Variants in CA11 observed in about 807,000 individuals in gnomAD.
The protein encoded by CA11 is carbonic anhydrase 11 (inactive).
A neutral mutation model predicts 39.3 loss-of-function variants in CA11; 20 were observed. That is an observed-to-expected ratio of 0.51 (90% confidence interval 0.36 to 0.74). The LOEUF is 0.74. Ranked by LOEUF, CA11 falls within the 30% of genes least tolerant of loss-of-function variation. The pLI is 0.00. For synonymous variants in CA11, 166 were observed against 172.5 expected (o/e 0.96, Z 0.29); for missense variants, 336 against 424.6 (o/e 0.79, Z 1.83).
At position 48,643,063 on chromosome 19, in the gene CA11, C is replaced by A. The variant is rs2031137057; in HGVS notation, c.285+1364G>T. On this transcript the variant is annotated intron_variant, in intron 3 of 8. Transcript: ENST00000084798. This position sits in a 1 kb window ranked among gnomAD's most constrained non-coding sequence, Gnocchi z 4.3. ...ACAACATAGTGAGACCCCACCTCTA[C>A]AAAAAACTTAAAAAGTTAGCCAAGC... 6.6e-6 allele frequency among the ~76,000 whole-genome samples: 1 copy of A among 152,140 alleles called. No individual in the cohort carries two copies. The highest frequency in any genetic ancestry group is 2.1e-4 in the South Asian group (1 of 4,836).
Position 48,643,107 on chromosome 19 carries a change from A to C in CA11, c.285+1320T>G, listed in dbSNP as rs2031137887. Among the ~76,000 whole-genome samples, 1 of 152,116 alleles carries C rather than the reference A, an allele frequency of 6.6e-6. No homozygotes were observed. Among genetic ancestry groups the C allele is most frequent in the Non-Finnish European group, 1.5e-5 (1 of 68,008 alleles). ...GCCAAGCATACTGGCATGTGCCTGCAGTCCTGGCTTCTTCCTTCCTTTCCT... is the reference window on the plus strand; with the variant it reads ...GCCAAGCATACTGGCATGTGCCTGCCGTCCTGGCTTCTTCCTTCCTTTCCT... On this transcript the variant is annotated intron_variant, in intron 3 of 8. Coordinates refer to ENST00000084798, the MANE Select transcript of CA11 (RefSeq NM_001217.5). This position sits in a 1 kb window ranked among gnomAD's most constrained non-coding sequence, Gnocchi z 4.3.
intron 3 of CA11, 114 bp from the exon 4 acceptor site, chr19:48,640,394 A>C: frequency 4.1e-6 from 3 of 730,276 alleles, no homozygotes; most frequent in Non-Finnish European, 6.2e-6. Flanking sequence ...TTTTTTTTGA[A>C]ACGGAGTCTC....
chr19:48,638,006 C>G lies in CA11; in HGVS notation c.*113G>C. 1 of 714,000 alleles carries G rather than the reference C, an allele frequency of 1.4e-6. No individual in the cohort carries two copies. Among genetic ancestry groups the G allele is most frequent in the Non-Finnish European group, 2.1e-6 (1 of 467,904 alleles). The allele number at this position is 714,000 out of a possible 1,614,324, so 44.2% of individuals were successfully genotyped here. On this transcript the variant is annotated 3_prime_UTR_variant, in exon 9 of 9. Transcript: ENST00000084798. ...TTTCCCCACCGCGCCTAGAATCAGA[C>G]CACTGAGAAAACAGGAAGTATTCTG... is the stretch of plus-strand genomic sequence containing the variant.
chr19:48,639,169 A>G lies in CA11; in HGVS notation c.796-116T>C, dbSNP rs965334425. Reference sequence around the variant, plus strand: ...GCGGGGTCTGTTCTCAGCCCCACCCACCCCCAAGGTGGTCTGACCCTCTTA... The same window carrying G: ...GCGGGGTCTGTTCTCAGCCCCACCCGCCCCCAAGGTGGTCTGACCCTCTTA... On this transcript the variant is annotated intron_variant, in intron 7 of 8. Transcript: ENST00000084798. 3.3e-6 allele frequency: 5 copies of G among 1,519,830 alleles called. 1 individual carries two copies. In the African/African-American group the frequency reaches 5.5e-5, roughly 17 times the overall value. 94.1% of individuals were successfully genotyped at this position (1,519,830 alleles called of 1,614,324 possible). A position where few individuals can be genotyped will look rare whatever the true frequency, so the allele number is the denominator to read the frequency against.
intron 4 of CA11, 105 bp downstream of exon 4, chr19:48,639,990 C>T: frequency 6.7e-7 from 1 of 1,502,820 alleles, no homozygotes; most frequent in Middle Eastern, 1.7e-4. Context: ...GGGTGGGAGG[C>T]CAGTTCTGTG....
At chr19:48,639,201 T>G in intron 7 of CA11, 104 bp downstream of exon 7, 2 of 1,531,016 alleles carry the variant, frequency 1.3e-6, no homozygotes, top group Non-Finnish European at 1.8e-6. Context: ...CTTACCTACT[T>G]GAGTTCAGTC....
chr19:48,645,721 CAGG>C lies in CA11; in HGVS notation c.-92_-90del. On this transcript the variant is annotated 5_prime_UTR_variant, in exon 1 of 9. Transcript: ENST00000084798. Reference sequence around the variant, plus strand: ...CCCTCCTTCTGGGACCCTGTCCCTCCAGGACTTCCAGCTTTCCTCTCCTCCCCA... The same window carrying C: ...CCCTCCTTCTGGGACCCTGTCCCTCCACTTCCAGCTTTCCTCTCCTCCCCA... The C allele has an allele frequency of 9.1e-7, 1 of 1,098,708 alleles. No individual in the cohort carries two copies. The highest frequency in any genetic ancestry group is 1.2e-6 in the Non-Finnish European group (1 of 803,342). 68.1% of individuals were successfully genotyped at this position (1,098,708 alleles called of 1,614,324 possible). A position where few individuals can be genotyped will look rare whatever the true frequency, so the allele number is the denominator to read the frequency against.
chr19:48,639,906 G>C, intron 4 of CA11, 23 bp from the exon 5 acceptor site: 1 of 1,603,176 alleles, frequency 6.2e-7, no homozygotes. Flanking sequence ...CAGAGCATGG[G>C]GTCCCCCAGC....
chr19:48,638,848 G>A, intron 8 of CA11, 40 bp downstream of exon 8: 1 of 1,515,818 alleles, frequency 6.6e-7, no homozygotes, highest in South Asian at 1.3e-5. Flanking sequence ...ATATAAGAGG[G>A]TTAGCCCAAG....
chr19:48,639,892 A>G lies in CA11; in HGVS notation c.472-9T>C. 6.2e-7 allele frequency: 1 copy of G among 1,612,244 alleles called. No homozygotes were observed. Reference sequence around the variant, plus strand: ...AAGTGAATGAGCTGCACCTGGGGGTAGCACAGAGCATGGGGTCCCCCAGCA... The same window carrying G: ...AAGTGAATGAGCTGCACCTGGGGGTGGCACAGAGCATGGGGTCCCCCAGCA... On this transcript the variant is annotated splice_polypyrimidine_tract_variant and intron_variant, in intron 4 of 8. Transcript: ENST00000084798.
chr19:48,643,799 T>C lies in CA11; in HGVS notation c.285+628A>G, dbSNP rs961795157. On this transcript the variant is annotated intron_variant, in intron 3 of 8. Transcript: ENST00000084798. The surrounding 1 kb of genome is among the most constrained non-coding windows in gnomAD (Gnocchi z 4.3). ...TGCATGTATATAATAAGGTTAATAATTGTACCCATTTTGGCTGGACGCAGT... is the reference window on the plus strand; with the variant it reads ...TGCATGTATATAATAAGGTTAATAACTGTACCCATTTTGGCTGGACGCAGT... Among the ~76,000 whole-genome samples the C allele has an allele frequency of 6.6e-6, 1 of 152,050 alleles. No individual in the cohort carries two copies. Among genetic ancestry groups the C allele is most frequent in the Non-Finnish European group, 1.5e-5 (1 of 68,026 alleles).
intron 3 of CA11, among the ~76,000 whole-genome samples, chr19:48,640,978 GT>G (rs201065266): frequency 1.1e-5 from 1 of 89,254 alleles, no homozygotes; most frequent in African/African-American, 2.8e-5. Context: ...CCGGCTTTTT[GT>G]TTTTGTTTTT....
chr19:48,643,479 G>A lies in CA11; in HGVS notation c.285+948C>T, dbSNP rs1161726255. Reference sequence around the variant, plus strand: ...CACCTCGGCCTCCCGAAGTGCTGGGGTTACAGGCATGAACCACCACACCCA... The same window carrying A: ...CACCTCGGCCTCCCGAAGTGCTGGGATTACAGGCATGAACCACCACACCCA... On this transcript the variant is annotated intron_variant, in intron 3 of 8. Coordinates refer to ENST00000084798, the MANE Select transcript of CA11 (RefSeq NM_001217.5). This position sits in a 1 kb window ranked among gnomAD's most constrained non-coding sequence, Gnocchi z 4.3. Among the ~76,000 whole-genome samples the A allele has an allele frequency of 2.0e-5, 3 of 151,986 alleles. No individual in the cohort carries two copies. Among genetic ancestry groups the A allele is most frequent in the Non-Finnish European group, 2.9e-5 (2 of 67,996 alleles).
At chr19:48,642,631 G>T (rs775039810) in intron 3 of CA11, among the ~76,000 whole-genome samples, 2 of 152,166 alleles carry the variant, frequency 1.3e-5, no homozygotes, top group African/African-American at 4.8e-5. Flanking sequence ...TTGAGCAGGA[G>T]TGATATGATC....
At chr19:48,644,701 C>T (rs1362042171) in intron 2 of CA11, 132 bp from the exon 3 acceptor site, 1 of 644,542 alleles carries the variant, frequency 1.6e-6, no homozygotes, top group Admixed American at 3.4e-5. Context: ...ACCTAGACTC[C>T]TGGGTCTGAG....
At position 48,639,050 on chromosome 19, in the gene CA11, G is replaced by A; in HGVS notation, c.799C>T (p.His267Tyr). ...RALNITSLQMHSLRLLSQNPP... is the reference protein window; with the variant it reads ...RALNITSLQMYSLRLLSQNPP... ...TTCTGGCTCAGGAGTCTCAGGGAGT[G>A]CATCTGCAGTGGAAGGAGGGTGGGA... The change falls in exon 8 of 9, where the codon CAC becomes TAC. Residue 267 changes from histidine to tyrosine, a missense_variant. Physicochemically the swap from His to Tyr is moderately conservative, Grantham distance 83. Coordinates refer to ENST00000084798, the MANE Select transcript of CA11 (RefSeq NM_001217.5). 6.2e-7 allele frequency: 1 copy of A among 1,613,924 alleles called. No individual in the cohort carries two copies. Among genetic ancestry groups the A allele is most frequent in the Non-Finnish European group, 8.5e-7 (1 of 1,179,930 alleles).
Position 48,643,370 on chromosome 19 carries a change from C to A in CA11, c.285+1057G>T, listed in dbSNP as rs1032555311. 6.6e-6 allele frequency among the ~76,000 whole-genome samples: 1 copy of A among 152,102 alleles called. No homozygotes were observed. Among genetic ancestry groups the A allele is most frequent in the Non-Finnish European group, 1.5e-5 (1 of 68,014 alleles). On this transcript the variant is annotated intron_variant, in intron 3 of 8. Coordinates refer to ENST00000084798, the MANE Select transcript of CA11 (RefSeq NM_001217.5). The surrounding 1 kb of genome is among the most constrained non-coding windows in gnomAD (Gnocchi z 4.3). ...GATTACAGGCACATGCCACCACACCCGGCTAATTTTTGTATTTTTAGTAGA... is the reference window on the plus strand; with the variant it reads ...GATTACAGGCACATGCCACCACACCAGGCTAATTTTTGTATTTTTAGTAGA...
In CA11 at chr19:48,638,138, C is replaced by A. The variant is rs772374820; in HGVS notation, c.968G>T (p.Gly323Val). The A allele has an allele frequency of 7.5e-7, 1 of 1,340,002 alleles. No homozygotes were observed. The highest frequency in any genetic ancestry group is 9.7e-7 in the Non-Finnish European group (1 of 1,030,028). 83.0% of individuals were successfully genotyped at this position (1,340,002 alleles called of 1,614,324 possible). ...RGPNYRLHVD[G>V]VPHGR ...GGAGTCTCAGCGACCATGGGGGACA[C>A]CATCCACTGTAAGACAGAGAACAAC... The change falls in exon 9 of 9, where the codon GGT becomes GTT. Residue 323 changes from glycine to valine, a missense_variant. Physicochemically the swap from Gly to Val is moderately radical, Grantham distance 109. Coordinates refer to ENST00000084798, the MANE Select transcript of CA11 (RefSeq NM_001217.5).
chr19:48,644,460 CA>C lies in CA11; in HGVS notation c.251del (p.Leu84ArgfsTer4). The C allele has an allele frequency of 6.2e-7, 1 of 1,610,066 alleles. No homozygotes were observed. Among genetic ancestry groups the C allele is most frequent in the Non-Finnish European group, 8.5e-7 (1 of 1,177,416 alleles). Reference sequence around the variant, plus strand: ...CTCCAGTGCTGAGCCTTAATGGGGGCAGAAAGGGGTCATAAAGAACCCTCTT... The same window carrying C: ...CTCCAGTGCTGAGCCTTAATGGGGGCGAAAGGGGTCATAAAGAACCCTCTT... ...ELKRVLYDPF[L>X]PPLRLSTGGE... On this transcript the variant is annotated frameshift_variant, in exon 3 of 9. Transcript: ENST00000084798. LOFTEE classifies it high-confidence loss of function.
Sources: gnomAD v4.1 joint callset for allele counts (sites outside exome capture counted in the v4.1 genomes callset) on GRCh38, gnomAD v4.1.1 for gene constraint, Gnocchi (gnomAD v3.1) non-coding constraint, MANE v1.5 for transcripts, NCBI Gene and HGNC (gene_info 2026-07-23, HGNC 2026-07-21) for gene names.